PKD2L2: variants seen among roughly 807,000 people sequenced by gnomAD.
The protein encoded by PKD2L2 is polycystin 2 like 2, transient receptor potential cation channel.
A neutral mutation model predicts 83.9 loss-of-function variants in PKD2L2; 67 were observed. That is an observed-to-expected ratio of 0.80 (90% CI 0.66 to 0.98). The LOEUF (loss-of-function observed/expected upper bound fraction) is 0.98. Ranked by LOEUF, PKD2L2 falls within the 50% of genes least tolerant of loss-of-function variation. The probability of loss-of-function intolerance (pLI) is 0.00; values close to 1 mark genes in which losing one functional copy is unlikely to be tolerated. For missense variants in PKD2L2, 632 were observed against 717.2 expected, an observed-to-expected ratio of 0.88 and a Z score of 1.36; for synonymous variants, 223 against 237.8, an observed-to-expected ratio of 0.94 and a Z score of 0.57.
At chr5:137,915,776 T>A (rs887745893) in intron 8 of PKD2L2, among the ~76,000 whole-genome samples, 4 of 152,362 alleles carry the variant, frequency 2.6e-5, no homozygotes, top group Admixed American at 2.6e-4. Context: ...TCTTAAATTA[T>A]GTAGAAAACA....
At chr5:137,930,678 A>G (rs561906148) in intron 12 of PKD2L2, among the ~76,000 whole-genome samples, 10 of 151,860 alleles carry the variant, frequency 6.6e-5, no homozygotes, top group African/African-American at 1.9e-4. Context: ...AAAAAAAAAA[A>G]AAAGAAAATG....
At chr5:137,891,872 A>G (rs770844536) in intron 2 of PKD2L2, among the ~76,000 whole-genome samples, 2 of 152,132 alleles carry the variant, frequency 1.3e-5, no homozygotes, top group Admixed American at 6.5e-5. Flanking sequence ...TTTAGTAGAG[A>G]CAGGGTTTTC....
chr5:137,923,460 T>G lies in PKD2L2; in HGVS notation c.1490T>G (p.Val497Gly), dbSNP rs769341859. The change falls in exon 10 of 15, where the codon GTG becomes GGG. Residue 497 changes from valine to glycine, a missense_variant. Transcript: ENST00000508883. The stretch of plus-strand genomic sequence containing the variant: ...ATTATTAATGATACCTATTCTGAAG[T>G]GAAAGCTGACTATTCAATAGGCAGA... Reference protein sequence around the residue: ...LAIINDTYSEVKADYSIGRRL... With the variant: ...LAIINDTYSEGKADYSIGRRL... The G allele has an allele frequency of 2.6e-6, 4 of 1,561,876 alleles. No individual in the cohort carries two copies. Among genetic ancestry groups the G allele is most frequent in the Non-Finnish European group, 3.5e-6 (4 of 1,132,554 alleles).
Position 137,905,057 on chromosome 5 carries a change from A to G in PKD2L2, c.747-1149A>G, listed in dbSNP as rs535189439. ...TGATCAGGATAACATGAAGAGTACA[A>G]ATTATTTTTATGTTCTAAACAAGAA... On this transcript the variant is annotated intron_variant, in intron 5 of 14. Transcript: ENST00000508883. 3.3e-4 allele frequency among the ~76,000 whole-genome samples: 51 copies of G among 152,338 alleles called. 1 individual carries two copies. The highest frequency in any genetic ancestry group is 5.3e-4 in the Non-Finnish European group (36 of 68,034).
At chr5:137,913,828 G>A (rs190259011) in intron 8 of PKD2L2, among the ~76,000 whole-genome samples, 13 of 151,168 alleles carry the variant, frequency 8.6e-5, no homozygotes, top group African/African-American at 2.2e-4. Context: ...GATTAAAGGC[G>A]TGAGGAGGCA....
chr5:137,912,808 T>TTC (rs1257566861), intron 8 of PKD2L2, among the ~76,000 whole-genome samples: 1 of 144,588 alleles, frequency 6.9e-6, no homozygotes, highest in Admixed American at 6.8e-5. Flanking sequence ...TTTCTTTCTT[T>TTC]TTTTTTTTTT....
chr5:137,892,409 T>A, intron 2 of PKD2L2, 71 bp from the exon 3 acceptor site: 1 of 802,304 alleles, frequency 1.2e-6, no homozygotes, highest in Non-Finnish European at 1.8e-6. Context: ...GAGAAAAAAA[T>A]GTAACATTTT....
At chr5:137,918,889 G>C (rs1452744021) in intron 8 of PKD2L2, among the ~76,000 whole-genome samples, 4 of 146,712 alleles carry the variant, frequency 2.7e-5, no homozygotes, top group African/African-American at 7.6e-5. Flanking sequence ...TTGAGAAACT[G>C]TGTTGCTGGC....
At chr5:137,895,863 G>A (rs1159092110) in intron 4 of PKD2L2, among the ~76,000 whole-genome samples, 6 of 143,784 alleles carry the variant, frequency 4.2e-5, no homozygotes, top group Non-Finnish European at 9.1e-5. Context: ...GGACGGTAGT[G>A]TGAGACACAG....
chr5:137,921,639 T>C lies in PKD2L2; in HGVS notation c.1332T>C (p.Phe444=), dbSNP rs1184313666. The C allele has an allele frequency of 1.3e-6, 2 of 1,580,538 alleles. No individual in the cohort carries two copies. Among genetic ancestry groups the C allele is most frequent in the African/African-American group, 1.4e-5 (1 of 73,534 alleles). The part of the protein sequence containing the change: ...DDFSTFQNSI[F]AQFRIVLGDF... ...CTACTGTTTTTCTTTCTTAAAGATT[T>C]GCACAATTTCGAATTGTTCTTGGAG... is the stretch of plus-strand genomic sequence containing the variant. Residue 444 remains phenylalanine (F), a synonymous_variant, in exon 9 of 15, where the codon TTT becomes TTC. Coordinates refer to ENST00000508883, the MANE Select transcript of PKD2L2 (RefSeq NM_001300921.2).
Position 137,925,036 on chromosome 5 carries a change from C to T in PKD2L2, c.1552-4C>T. On this transcript the variant is annotated splice_region_variant and splice_polypyrimidine_tract_variant and intron_variant, in intron 10 of 14. Transcript: ENST00000508883. Reference sequence around the variant, plus strand: ...ATTTTCAAACTATTTTAAATTATGCCCAGAGTTACAAAAATGTTCTCGAGA... The same window carrying T: ...ATTTTCAAACTATTTTAAATTATGCTCAGAGTTACAAAAATGTTCTCGAGA... 1.3e-6 allele frequency: 2 copies of T among 1,555,698 alleles called. No individual in the cohort carries two copies. Among genetic ancestry groups the T allele is most frequent in the Non-Finnish European group, 8.9e-7 (1 of 1,128,350 alleles).
Position 137,918,024 on chromosome 5 carries a change from T to TCTGGGAAACTAA in PKD2L2, c.1329-3611_1329-3600dup, listed in dbSNP as rs1216244734. On this transcript the variant is annotated intron_variant, in intron 8 of 14. Coordinates refer to ENST00000508883, the MANE Select transcript of PKD2L2 (RefSeq NM_001300921.2). ...CTTGGGCCCAGCAGTTTGAGACCAGTCTGGGAAACTAAGGGAGACCATGTC... is the reference window on the plus strand; with the variant it reads ...CTTGGGCCCAGCAGTTTGAGACCAGTCTGGGAAACTAACTGGGAAACTAAGGGAGACCATGTC... Among the ~76,000 whole-genome samples, 16 of 152,132 alleles carry TCTGGGAAACTAA rather than the reference T, an allele frequency of 1.1e-4. No homozygotes were observed. The South Asian group carries it at 3.3e-3, about 32-fold the overall frequency.
At chr5:137,904,940 T>TAAGC (rs1348530944) in intron 5 of PKD2L2, among the ~76,000 whole-genome samples, 20 of 152,174 alleles carry the variant, frequency 1.3e-4, no homozygotes, top group Admixed American at 6.5e-5. Context: ...TAAACTGCCT[T>TAAGC]AAGCAGCCAA....
At chr5:137,897,567 G>A (rs1756588188) in intron 4 of PKD2L2, among the ~76,000 whole-genome samples, 2 of 152,224 alleles carry the variant, frequency 1.3e-5, no homozygotes, top group South Asian at 2.1e-4. Context: ...TACTGGAATT[G>A]TGAATTAATA....
chr5:137,915,812 T>C (rs371901659), intron 8 of PKD2L2, among the ~76,000 whole-genome samples: 32 of 152,184 alleles, frequency 2.1e-4, no homozygotes, highest in Middle Eastern at 3.2e-3. Flanking sequence ...ACTGTTGTTA[T>C]AATAATACTA....
At chr5:137,914,632 C>A (rs568987052) in intron 8 of PKD2L2, among the ~76,000 whole-genome samples, 3 of 152,174 alleles carry the variant, frequency 2.0e-5, no homozygotes, top group South Asian at 4.1e-4. Flanking sequence ...CTTTTTCTTG[C>A]CTATTGCTCT....
In PKD2L2 at chr5:137,908,964, A is replaced by G. The variant is rs772550534; in HGVS notation, c.1328+18A>G. ...AATTCCATGTAAGCTCTTAGTATAA[A>G]TGTAATTATATCTTCTATATTTTCT... On this transcript the variant is annotated intron_variant, in intron 8 of 14. Transcript: ENST00000508883. 1 of 1,447,132 alleles carries G rather than the reference A, an allele frequency of 6.9e-7. No homozygotes were observed. Among genetic ancestry groups the G allele is most frequent in the South Asian group, 1.2e-5 (1 of 80,850 alleles). 89.6% of individuals were successfully genotyped at this position (1,447,132 alleles called of 1,614,324 possible).
At chr5:137,908,153 A>C (rs192326150) in intron 7 of PKD2L2, among the ~76,000 whole-genome samples, 1 of 152,192 alleles carries the variant, frequency 6.6e-6, no homozygotes, top group East Asian at 1.9e-4. Context: ...AAAATATCAA[A>C]AAAATATTAA....
At chr5:137,910,032 G>A (rs1233419926) in intron 8 of PKD2L2, among the ~76,000 whole-genome samples, 1 of 151,786 alleles carries the variant, frequency 6.6e-6, no homozygotes, top group African/African-American at 2.4e-5. Flanking sequence ...AGACCAACCT[G>A]GGCAACATAG....
Sources: gnomAD v4.1 joint callset for allele counts (sites outside exome capture counted in the v4.1 genomes callset) on GRCh38, gnomAD v4.1.1 for gene constraint, MANE v1.5 for transcripts, NCBI Gene and HGNC (gene_info 2026-07-23, HGNC 2026-07-21) for gene names.